The following KCNG3 variants were observed in gnomAD, a reference collection of about 807,000 sequenced individuals.
The protein encoded by KCNG3 is voltage-gated potassium channel regulatory subunit KCNG3.
KCNG3 carries 15 observed loss-of-function variants against 29.0 expected under a neutral mutation model. The observed-to-expected ratio is 0.52, with a 90% CI of 0.35 to 0.80. The LOEUF (loss-of-function observed/expected upper bound fraction) is 0.80. Ranked by LOEUF, KCNG3 falls within the 30% of genes least tolerant of loss-of-function variation. KCNG3 has a pLI of 0.01. For synonymous variants in KCNG3, 322 were observed against 248.9 expected (o/e 1.29, Z -2.76); for missense variants, 512 against 605.7 (o/e 0.85, Z 1.62).
At chr2:42,417,177 A>T in the KCNG3 span, among the ~76,000 whole-genome samples, 2 of 152,180 alleles carry the variant, frequency 1.3e-5, no homozygotes, top group Non-Finnish European at 2.9e-5. Context: ...TGGGCAGTGG[A>T]GGTTGCAGTG....
chr2:42,481,310 G>C (rs954668497), intron 1 of KCNG3, among the ~76,000 whole-genome samples: 1 of 152,146 alleles, frequency 6.6e-6, no homozygotes, highest in African/African-American at 2.4e-5. Context: ...CCACAGCCTG[G>C]ATCAACAGGA....
the KCNG3 span, among the ~76,000 whole-genome samples, chr2:42,435,264 T>C: frequency 2.0e-5 from 3 of 152,064 alleles, no homozygotes; most frequent in African/African-American, 7.2e-5. Context: ...GATCGCCCCA[T>C]TGCACTTCAC....
chr2:42,418,301 T>C, the KCNG3 span, among the ~76,000 whole-genome samples: 1 of 152,206 alleles, frequency 6.6e-6, no homozygotes, highest in Non-Finnish European at 1.5e-5. Flanking sequence ...AAGGTTAATA[T>C]TCCATTGCAT....
intron 1 of KCNG3, among the ~76,000 whole-genome samples, chr2:42,446,770 T>G (rs1043545303): frequency 2.6e-5 from 4 of 152,180 alleles, no homozygotes; most frequent in African/African-American, 9.7e-5. Flanking sequence ...AGATTAACTT[T>G]ATTAACTTTT....
At chr2:42,415,474 G>C in the KCNG3 span, 1 of 152,054 alleles carries the variant, frequency 6.6e-6, no homozygotes, top group Non-Finnish European at 1.5e-5. Flanking sequence ...ACCCAGAATG[G>C]CAACATACCA....
intron 1 of KCNG3, among the ~76,000 whole-genome samples, chr2:42,451,854 C>G (rs1423562634): frequency 1.3e-5 from 2 of 151,910 alleles, no homozygotes; most frequent in Non-Finnish European, 2.9e-5. Context: ...GAGCCATGAT[C>G]TTGCCACTAC....
downstream of KCNG3, among the ~76,000 whole-genome samples, chr2:42,437,069 A>T (rs1672389698): frequency 6.6e-6 from 1 of 152,064 alleles, no homozygotes; most frequent in Non-Finnish European, 1.5e-5. Context: ...TTTTTCCCAT[A>T]CGAATGTCTG....
chr2:42,418,423 A>G, the KCNG3 span, among the ~76,000 whole-genome samples: 11 of 152,304 alleles, frequency 7.2e-5, no homozygotes, highest in African/African-American at 2.6e-4. Context: ...CCAAAAACAT[A>G]CTATTAGAGA....
At chr2:42,402,025 G>A in the KCNG3 span, among the ~76,000 whole-genome samples, 6 of 152,214 alleles carry the variant, frequency 3.9e-5, no homozygotes, top group Non-Finnish European at 8.8e-5. Flanking sequence ...TTATGGGGGT[G>A]TTTATGGAGG....
At chr2:42,448,819 A>G (rs2103668405) in intron 1 of KCNG3, among the ~76,000 whole-genome samples, 1 of 152,278 alleles carries the variant, frequency 6.6e-6, no homozygotes, top group African/African-American at 2.4e-5. Context: ...TCTACTAAAA[A>G]TACAAGAAAT....
chr2:42,422,362 A>T, the KCNG3 span, among the ~76,000 whole-genome samples: 1 of 152,212 alleles, frequency 6.6e-6, no homozygotes, highest in East Asian at 1.9e-4. Context: ...ATGTTATGAT[A>T]CAGCTAGAAG....
the KCNG3 span, among the ~76,000 whole-genome samples, chr2:42,394,847 A>G: frequency 6.6e-6 from 1 of 152,172 alleles, no homozygotes; most frequent in Admixed American, 6.5e-5. Context: ...TGGCAACATA[A>G]ACTTTCTAAA....
chr2:42,476,363 G>A (rs1673425810), intron 1 of KCNG3, among the ~76,000 whole-genome samples: 1 of 152,020 alleles, frequency 6.6e-6, no homozygotes, highest in South Asian at 2.1e-4. Flanking sequence ...TGGAATCTCA[G>A]CTACTTGAGA....
the KCNG3 span, among the ~76,000 whole-genome samples, chr2:42,434,431 C>T: frequency 5.9e-5 from 7 of 118,808 alleles, no homozygotes; most frequent in African/African-American, 2.4e-4. Context: ...TGCACTCCAG[C>T]CTGGGCAACA....
At chr2:42,450,273 G>A (rs1226108435) in intron 1 of KCNG3, among the ~76,000 whole-genome samples, 2 of 152,122 alleles carry the variant, frequency 1.3e-5, no homozygotes, top group African/African-American at 2.4e-5. Flanking sequence ...CCACACCTTA[G>A]GTCAGATGCA....
At chr2:42,480,758 T>TAAA (rs11338189) in intron 1 of KCNG3, among the ~76,000 whole-genome samples, 2 of 122,690 alleles carry the variant, frequency 1.6e-5, no homozygotes, top group African/African-American at 6.1e-5. Flanking sequence ...AACCCCATCT[T>TAAA]AAAAAAAAAA....
At position 42,493,102 on chromosome 2, in the gene KCNG3, C is replaced by A; in HGVS notation, c.400G>T (p.Val134Leu). The A allele has an allele frequency of 6.3e-7, 1 of 1,585,876 alleles. No homozygotes were observed. Among genetic ancestry groups the A allele is most frequent in the Non-Finnish European group, 8.5e-7 (1 of 1,170,534 alleles). ...GGGCGCGCCTCGTCGCGGCCCAGCA[C>A]GCCCGGCTCGTCGGCCGAGTAGAAG... is the stretch of plus-strand genomic sequence containing the variant. ...YTFYSADEPG[V>L]LGRDEARPGG... The change falls in exon 1 of 2, where the codon GTG becomes TTG. Residue 134 changes from valine to leucine, a missense_variant. Val to Leu is a conservative substitution (Grantham distance 32, BLOSUM62 1). Around this residue, in one of 5 missense-constraint regions of KCNG3, gnomAD observed 228 missense variants for 200.0 expected, o/e 1.14. Transcript: ENST00000306078.
chr2:42,408,005 C>G, the KCNG3 span, among the ~76,000 whole-genome samples: 1 of 152,196 alleles, frequency 6.6e-6, no homozygotes, highest in Non-Finnish European at 1.5e-5. Flanking sequence ...GTGCCCACGC[C>G]GATCTCAGAA....
intron 1 of KCNG3, among the ~76,000 whole-genome samples, chr2:42,467,928 G>T (rs954159712): frequency 2.0e-5 from 3 of 150,438 alleles, no homozygotes; most frequent in African/African-American, 7.4e-5. Context: ...CCATTATCAT[G>T]CCACTGCACA....
Sources: gnomAD v4.1 joint callset for allele counts (sites outside exome capture counted in the v4.1 genomes callset) on GRCh38, gnomAD v4.1.1 for gene constraint, gnomAD v4.1.1 regional missense constraint, MANE v1.5 for transcripts, NCBI Gene and HGNC (gene_info 2026-07-23, HGNC 2026-07-21) for gene names.